Variants in PRICKLE2 observed in about 807,000 individuals in gnomAD.
PRICKLE2 encodes prickle planar cell polarity protein 2.
In PRICKLE2, 21 loss-of-function variants were observed where a neutral mutation model predicts 81.4. The ratio of observed to expected loss-of-function variants is 0.26; its 90% CI spans 0.18 to 0.37. PRICKLE2 has a LOEUF of 0.37. Among genes scored for constraint, PRICKLE2 ranks in the 10% least tolerant of loss-of-function variants. PRICKLE2 has a pLI of 1.00. For missense variants in PRICKLE2, 940 were observed against 1,109.0 expected (o/e 0.85, Z 2.16); for synonymous variants, 456 against 421.5 (o/e 1.08, Z -1.00).
intron 3 of PRICKLE2, among the ~76,000 whole-genome samples, chr3:64,160,478 T>C (rs950361124): frequency 6.6e-6 from 1 of 152,224 alleles, no homozygotes; most frequent in African/African-American, 2.4e-5. Context: ...CATGTGCCCA[T>C]GCAAGTGATC....
intron 7 of PRICKLE2, among the ~76,000 whole-genome samples, chr3:64,118,571 T>C (rs2076976228): frequency 6.6e-6 from 1 of 152,152 alleles, no homozygotes; most frequent in Admixed American, 6.6e-5. Flanking sequence ...AGAAGGCATA[T>C]ATGTGGCCAG....
chr3:64,235,813 C>G (rs1185544883), intron 2 of PRICKLE2, among the ~76,000 whole-genome samples: 1 of 152,174 alleles, frequency 6.6e-6, no homozygotes, highest in Non-Finnish European at 1.5e-5. Context: ...GTCTTTGAGG[C>G]TGCCCCTCCC....
chr3:64,145,193 G>A (rs1428659204), intron 7 of PRICKLE2, among the ~76,000 whole-genome samples: 1 of 145,908 alleles, frequency 6.9e-6, no homozygotes, highest in Non-Finnish European at 1.5e-5. Flanking sequence ...TCAACTTCCT[G>A]GGCTCAAGTG....
rs1435284437 is a variant in PRICKLE2 at position 64,198,847 on chromosome 3, A to G, written c.81T>C (p.Asp27=). The G allele has an allele frequency of 5.6e-6, 9 of 1,614,158 alleles. No individual in the cohort carries two copies. Among genetic ancestry groups the G allele is most frequent in the Non-Finnish European group, 7.6e-6 (9 of 1,180,030 alleles). The change falls in exon 2 of 8, where the codon GAT becomes GAC. Residue 27 remains aspartate (D), a synonymous_variant. Coordinates refer to ENST00000638394, the MANE Select transcript of PRICKLE2 (RefSeq NM_198859.4). ...CTTCCAAAGCACAGCCTGAGTCATC[A>G]TCTGAGGTCGAGTTCCTCTGAAAGT... ...MFDFQRNSTS[D]DDSGCALEEY...
At chr3:64,129,193 A>G (rs1173590975) in intron 7 of PRICKLE2, among the ~76,000 whole-genome samples, 1 of 152,112 alleles carries the variant, frequency 6.6e-6, no homozygotes, top group African/African-American at 2.4e-5. Flanking sequence ...TAAAAATACA[A>G]GACTCAAGTG....
chr3:64,117,152 T>C (rs2076947641), intron 7 of PRICKLE2, among the ~76,000 whole-genome samples: 1 of 152,130 alleles, frequency 6.6e-6, no homozygotes, highest in Non-Finnish European at 1.5e-5. Flanking sequence ...ATTCAACATC[T>C]TCTCATGTAA....
intron 2 of PRICKLE2, among the ~76,000 whole-genome samples, chr3:64,167,707 A>T (rs1269015616): frequency 1.3e-5 from 2 of 152,202 alleles, no homozygotes; most frequent in East Asian, 3.8e-4. Flanking sequence ...AGAAAAGTGT[A>T]TGAAAAGTAA....
In PRICKLE2 at chr3:64,151,711, C is replaced by T. The variant is rs935586515; in HGVS notation, c.787+1471G>A. 2.6e-5 allele frequency among the ~76,000 whole-genome samples: 4 copies of T among 152,350 alleles called. No individual in the cohort carries two copies. In the East Asian group the frequency reaches 7.7e-4, roughly 29 times the overall value. On this transcript the variant is annotated intron_variant, in intron 6 of 7. Transcript: ENST00000638394. Reference sequence around the variant, plus strand: ...AGACATTGCACCATTTTCCCTGACACTGTCCTACCTCTCCCCTTCCACACA... The same window carrying T: ...AGACATTGCACCATTTTCCCTGACATTGTCCTACCTCTCCCCTTCCACACA...
intron 2 of PRICKLE2, among the ~76,000 whole-genome samples, chr3:64,188,086 T>C (rs538441863): frequency 2.6e-5 from 4 of 152,334 alleles, no homozygotes; most frequent in Admixed American, 6.5e-5. Context: ...GGGCACACCC[T>C]TCATCCGTAT....
chr3:64,249,751 G>A (rs13066611), intron 2 of PRICKLE2, among the ~76,000 whole-genome samples: 19,068 of 152,192 alleles, frequency 0.13, 1,385 homozygotes, highest in East Asian at 0.21. Flanking sequence ...TTGCTGTCTT[G>A]TAGTTCAAGT....
chr3:64,172,007 C>T (rs1407214309), intron 2 of PRICKLE2, among the ~76,000 whole-genome samples: 1 of 152,178 alleles, frequency 6.6e-6, no homozygotes, highest in Non-Finnish European at 1.5e-5. Flanking sequence ...TTCAGAATCA[C>T]ATGAGTTGCT....
Position 64,267,811 on chromosome 3 carries a change from C to A in PRICKLE2, c.129-68844G>T, listed in dbSNP as rs573393442. ...CAGAGCTTAGTTTCCAGCTGCAAGG[C>A]CCCTTTTTCAGGGGAGCTCCTGAAA... On this transcript the variant is annotated intron_variant, in intron 2 of 8. Transcript: ENST00000295902. 8 of 152,340 alleles carry A rather than the reference C, an allele frequency of 5.3e-5. No homozygotes were observed. In the East Asian group the frequency reaches 1.4e-3, roughly 26 times the overall value. The allele number at this position is 152,340 out of a possible 1,614,324, so 9.4% of individuals were successfully genotyped here.
chr3:64,168,936 C>T (rs966338994), intron 2 of PRICKLE2, among the ~76,000 whole-genome samples: 3 of 152,186 alleles, frequency 2.0e-5, no homozygotes, highest in African/African-American at 7.2e-5. Flanking sequence ...TTCCACAACA[C>T]CATGGCATGA....
chr3:64,171,795 CAA>C (rs1235296690), intron 2 of PRICKLE2, among the ~76,000 whole-genome samples: 1 of 152,080 alleles, frequency 6.6e-6, no homozygotes, highest in Non-Finnish European at 1.5e-5. Context: ...CTTTTTTCAC[CAA>C]AGATTAGTGC....
At chr3:64,249,505 T>A (rs1423338705) in intron 2 of PRICKLE2, among the ~76,000 whole-genome samples, 2 of 152,208 alleles carry the variant, frequency 1.3e-5, no homozygotes, top group African/African-American at 2.4e-5. Context: ...TGTCATTGTC[T>A]TGTCAAATGG....
intron 2 of PRICKLE2, among the ~76,000 whole-genome samples, chr3:64,176,636 T>A (rs1191333509): frequency 6.6e-6 from 1 of 152,222 alleles, no homozygotes. Flanking sequence ...GGAAACACAT[T>A]TTAGAATACA....
In PRICKLE2 at chr3:64,161,007, T is replaced by C. The variant is rs568161984; in HGVS notation, c.259-930A>G. On this transcript the variant is annotated intron_variant, in intron 3 of 7. Transcript: ENST00000638394. ...ACAAAAAAACCAGAAGAAACCTAAA[T>C]AGACTGGGAACAGAACCATGTTGTT... 1.2e-3 allele frequency among the ~76,000 whole-genome samples: 179 copies of C among 152,168 alleles called. 1 individual carries two copies. The highest frequency in any genetic ancestry group is 3.9e-3 in the African/African-American group (162 of 41,528).
At chr3:64,163,546 T>C (rs969882276) in intron 2 of PRICKLE2, 4 of 251,946 alleles carry the variant, frequency 1.6e-5, no homozygotes, top group African/African-American at 8.9e-5. Flanking sequence ...GCAATGGAGT[T>C]AAAGCCAGTC....
chr3:64,224,152 T>A (rs938445489), intron 1 of PRICKLE2, among the ~76,000 whole-genome samples: 1 of 152,176 alleles, frequency 6.6e-6, no homozygotes, highest in Non-Finnish European at 1.5e-5. Context: ...CTAACCTCAG[T>A]GTGATTTGGC....
Sources: allele counts gnomAD v4.1 joint callset (sites outside exome capture counted in the v4.1 genomes callset), GRCh38; gene constraint gnomAD v4.1.1; transcripts MANE v1.5; gene names NCBI Gene and HGNC (gene_info 2026-07-23, HGNC 2026-07-21).